PDE2A: variants seen among roughly 807,000 people sequenced by gnomAD.
PDE2A encodes cGMP-dependent 3',5'-cyclic phosphodiesterase.
PDE2A carries 53 observed loss-of-function variants against 133.6 expected under a neutral mutation model. That is an observed-to-expected ratio of 0.40 (90% CI 0.32 to 0.50). PDE2A has a LOEUF of 0.50. Ranked by LOEUF, PDE2A falls within the 20% of genes least tolerant of loss-of-function variation. PDE2A has a pLI of 0.73. For synonymous variants in PDE2A, 491 were observed against 490.2 expected, an observed-to-expected ratio of 1.00 and a Z score of -0.02; for missense variants, 796 against 1,232.4, an observed-to-expected ratio of 0.65 and a Z score of 5.30.
chr11:72,671,560 G>T (rs1855386517), intron 1 of PDE2A, among the ~76,000 whole-genome samples: 1 of 152,114 alleles, frequency 6.6e-6, no homozygotes, highest in South Asian at 2.1e-4. Flanking sequence ...GGGACAGGAG[G>T]CTGGAGTGGG....
At chr11:72,637,358 T>C (rs1858746655) in intron 2 of PDE2A, among the ~76,000 whole-genome samples, 1 of 152,210 alleles carries the variant, frequency 6.6e-6, no homozygotes, top group Non-Finnish European at 1.5e-5. Flanking sequence ...TGCTCAGGCT[T>C]GGAGGAAGGT....
At chr11:72,647,360 T>C (rs1296331709) in intron 1 of PDE2A, among the ~76,000 whole-genome samples, 1 of 152,202 alleles carries the variant, frequency 6.6e-6, no homozygotes, top group Non-Finnish European at 1.5e-5. Context: ...GTCTCAGACT[T>C]CTCAGCAGCC....
chr11:72,613,947 C>G (rs1481895305), intron 2 of PDE2A, among the ~76,000 whole-genome samples: 1 of 152,224 alleles, frequency 6.6e-6, no homozygotes, highest in Admixed American at 6.5e-5. Flanking sequence ...CTGGCACTAG[C>G]AAGCACAGCC....
intron 4 of PDE2A, 21 bp downstream of exon 4, chr11:72,605,117 G>A: frequency 2.6e-6 from 4 of 1,525,260 alleles, no homozygotes; most frequent in Non-Finnish European, 3.6e-6. Flanking sequence ...GAGGGCAATG[G>A]GGGTGCAGAG....
At chr11:72,603,180 C>T (rs1018772604) in intron 4 of PDE2A, among the ~76,000 whole-genome samples, 1 of 152,320 alleles carries the variant, frequency 6.6e-6, no homozygotes, top group South Asian at 2.1e-4. Flanking sequence ...CCTTCTCATC[C>T]CCTGGCCCTC....
chr11:72,593,687 C>T (rs1307356252), intron 6 of PDE2A, among the ~76,000 whole-genome samples: 4 of 152,204 alleles, frequency 2.6e-5, no homozygotes, highest in African/African-American at 7.2e-5. Flanking sequence ...AGGAACAGAG[C>T]CAAAGACTTT....
chr11:72,638,138 C>A (rs1858786058), intron 2 of PDE2A, among the ~76,000 whole-genome samples: 1 of 144,554 alleles, frequency 6.9e-6, no homozygotes, highest in Middle Eastern at 3.4e-3. Context: ...CAGAGCCCAA[C>A]CTGGCAGCAA....
chr11:72,656,751 G>A (rs1285122030), intron 1 of PDE2A, among the ~76,000 whole-genome samples: 1 of 152,000 alleles, frequency 6.6e-6, no homozygotes, highest in Non-Finnish European at 1.5e-5. Context: ...GTCCCAGCTA[G>A]AGTCCAGCAG....
chr11:72,639,799 G>A (rs1159112918), intron 2 of PDE2A, among the ~76,000 whole-genome samples: 6 of 152,278 alleles, frequency 3.9e-5, no homozygotes, highest in Admixed American at 6.5e-5. Flanking sequence ...CTGGGGTTGG[G>A]GGGGCATGGA....
chr11:72,671,551 G>C (rs1565201874), intron 1 of PDE2A, among the ~76,000 whole-genome samples: 1 of 152,104 alleles, frequency 6.6e-6, no homozygotes, highest in Non-Finnish European at 1.5e-5. Context: ...CAGTCCCTGG[G>C]GACAGGAGGC....
At chr11:72,635,862 G>T in intron 2 of PDE2A, 2 of 499,274 alleles carry the variant, frequency 4.0e-6, no homozygotes, top group Non-Finnish European at 5.5e-6. Flanking sequence ...ATGTTGGGGC[G>T]ATACTGCTCT....
chr11:72,644,852 G>A (rs762094254), intron 1 of PDE2A, among the ~76,000 whole-genome samples: 42 of 152,308 alleles, frequency 2.8e-4, no homozygotes, highest in Non-Finnish European at 4.9e-4. Context: ...CGCCTCCCGG[G>A]TTCAAGCAAT....
chr11:72,631,888 C>T (rs1020242938), intron 2 of PDE2A, among the ~76,000 whole-genome samples: 7 of 152,254 alleles, frequency 4.6e-5, no homozygotes, highest in Non-Finnish European at 7.4e-5. Flanking sequence ...CCCACCCCCA[C>T]CCAACAAGCC....
chr11:72,580,737 G>C, intron 24 of PDE2A, 113 bp from the exon 25 acceptor site: 2 of 1,049,682 alleles, frequency 1.9e-6, no homozygotes, highest in Non-Finnish European at 2.9e-6. Context: ...CCCTATCTCA[G>C]AGCCAGGGGC....
intron 2 of PDE2A, among the ~76,000 whole-genome samples, chr11:72,629,559 C>T (rs960914746): frequency 2.0e-5 from 3 of 152,222 alleles, no homozygotes; most frequent in Admixed American, 6.5e-5. Context: ...TCCAGGCCCT[C>T]CCCTCCCAGC....
intron 6 of PDE2A, 48 bp from the exon 7 acceptor site, chr11:72,591,404 GTC>G (rs1565156285): frequency 1.3e-6 from 2 of 1,488,412 alleles, no homozygotes; most frequent in East Asian, 4.5e-5. Context: ...CTCAGTGTCT[GTC>G]TCTGCCAGAG....
chr11:72,613,435 C>T (rs187567934), intron 2 of PDE2A, among the ~76,000 whole-genome samples: 4 of 151,964 alleles, frequency 2.6e-5, no homozygotes, highest in East Asian at 1.9e-4. Flanking sequence ...CCCAGGACCT[C>T]GGAGCCCTCT....
chr11:72,581,727 G>T, intron 22 of PDE2A, 150 bp downstream of exon 22: 4 of 844,070 alleles, frequency 4.7e-6, no homozygotes, highest in South Asian at 3.1e-5. Flanking sequence ...TCTAGGAATT[G>T]CTTCTCATTC....
chr11:72,598,718 C>G (rs1293173757), intron 4 of PDE2A: 2 of 1,275,328 alleles, frequency 1.6e-6, no homozygotes, highest in Non-Finnish European at 2.0e-6. Flanking sequence ...CACGAGATCA[C>G]TAGGTCAGAG....
Sources: gnomAD v4.1 joint callset for allele counts (sites outside exome capture counted in the v4.1 genomes callset) on GRCh38, gnomAD v4.1.1 for gene constraint, MANE v1.5 for transcripts, NCBI Gene and HGNC (gene_info 2026-07-23, HGNC 2026-07-21) for gene names.